Variants in NPAS3 observed in about 807,000 individuals in gnomAD.
NPAS3 encodes neuronal PAS domain-containing protein 3.
In NPAS3, 14 loss-of-function variants were observed where a neutral mutation model predicts 73.1. The ratio of observed to expected loss-of-function variants is 0.19; its 90% confidence interval spans 0.13 to 0.30. The LOEUF is 0.30. NPAS3 is among the 10% of genes least tolerant of loss of function. NPAS3 has a pLI of 1.00. For synonymous variants in NPAS3, 620 were observed against 541.5 expected (o/e 1.14, Z -2.01); for missense variants, 1,096 against 1,250.0 (o/e 0.88, Z 1.86).
intron 2 of NPAS3, among the ~76,000 whole-genome samples, chr14:33,085,615 C>A (rs6571581): frequency 0.44 from 66,334 of 151,992 alleles, 16,117 homozygotes; most frequent in African/African-American, 0.67. Flanking sequence ...TGAGCCCCCC[C>A]AACACACTTT....
rs920874247 is a variant in NPAS3 at position 33,270,157 on chromosome 14, C to T, written c.385+54731C>T. Among the ~76,000 whole-genome samples, 3 of 152,070 alleles carry T rather than the reference C, an allele frequency of 2.0e-5. 1 individual carries two copies. Among genetic ancestry groups the T allele is most frequent in the Middle Eastern group, 6.3e-3 (2 of 316 alleles). On this transcript the variant is annotated intron_variant, in intron 3 of 11. Coordinates refer to ENST00000356141, the Ensembl canonical transcript of NPAS3. ...AGATAAGTCAGTCATTGACTTATTC[C>T]CCTACCACCCTCTCCTTCCTAGTAT... is the stretch of plus-strand genomic sequence containing the variant.
chr14:33,436,610 A>G (rs1476561757), intron 4 of NPAS3, among the ~76,000 whole-genome samples: 1 of 152,180 alleles, frequency 6.6e-6, no homozygotes, highest in Non-Finnish European at 1.5e-5. Context: ...AATATTGTCT[A>G]CCATTCTGTA....
intron 5 of NPAS3, among the ~76,000 whole-genome samples, chr14:33,621,252 C>T (rs191223977): frequency 6.6e-5 from 10 of 152,218 alleles, no homozygotes; most frequent in Admixed American, 5.9e-4. Flanking sequence ...AGAAATAAAA[C>T]TTAAGTCTAG....
chr14:33,061,288 C>A (rs1332769267), intron 2 of NPAS3, among the ~76,000 whole-genome samples: 1 of 152,098 alleles, frequency 6.6e-6, no homozygotes, highest in East Asian at 1.9e-4. Flanking sequence ...CAGTCATCTT[C>A]CCCTCACCTG....
At chr14:33,528,929 T>C (rs1001147706) in intron 4 of NPAS3, among the ~76,000 whole-genome samples, 1 of 152,122 alleles carries the variant, frequency 6.6e-6, no homozygotes, top group Non-Finnish European at 1.5e-5. Flanking sequence ...AGCAACTCAA[T>C]AATGTTTCTT....
chr14:33,721,420 A>G (rs1324719971), intron 6 of NPAS3, among the ~76,000 whole-genome samples: 6 of 152,174 alleles, frequency 3.9e-5, no homozygotes, highest in Admixed American at 1.3e-4. Context: ...TAGTTGGTCA[A>G]TTATATTAGA....
intron 4 of NPAS3, among the ~76,000 whole-genome samples, chr14:33,533,750 T>A (rs1473751240): frequency 6.6e-6 from 1 of 152,140 alleles, no homozygotes; most frequent in Non-Finnish European, 1.5e-5. Context: ...AAATCACACC[T>A]GTATGTGGTG....
chr14:33,312,082 A>G (rs1324583421), intron 3 of NPAS3, among the ~76,000 whole-genome samples: 6 of 152,140 alleles, frequency 3.9e-5, no homozygotes, highest in Admixed American at 2.0e-4. Flanking sequence ...GACATACAGT[A>G]GTCAGAGCTC....
intron 2 of NPAS3, among the ~76,000 whole-genome samples, chr14:33,163,426 A>T (rs574188912): frequency 2.6e-5 from 4 of 152,198 alleles, no homozygotes; most frequent in Admixed American, 6.5e-5. Flanking sequence ...CACAGTCGCA[A>T]ATTGAGTTGA....
At chr14:33,198,269 C>G (rs1016766706) in intron 2 of NPAS3, among the ~76,000 whole-genome samples, 2 of 149,790 alleles carry the variant, frequency 1.3e-5, no homozygotes, top group African/African-American at 2.4e-5. Flanking sequence ...TTTGCCCCTG[C>G]TGGCTCAGGC....
chr14:32,948,260 G>C (rs992056810), intron 1 of NPAS3, among the ~76,000 whole-genome samples: 3 of 152,010 alleles, frequency 2.0e-5, no homozygotes, highest in Non-Finnish European at 2.9e-5. Context: ...TTTATATTTT[G>C]GGGATGTCAA....
At chr14:33,162,741 C>T (rs574892808) in intron 2 of NPAS3, among the ~76,000 whole-genome samples, 2 of 152,014 alleles carry the variant, frequency 1.3e-5, no homozygotes, top group Non-Finnish European at 2.9e-5. Flanking sequence ...GACAGAACCT[C>T]CTCTCTTTAT....
chr14:33,147,541 C>T (rs1236327254), intron 2 of NPAS3, among the ~76,000 whole-genome samples: 2 of 149,730 alleles, frequency 1.3e-5, no homozygotes, highest in Non-Finnish European at 3.0e-5. Flanking sequence ...TAGTGCCGCA[C>T]TTGGACACAG....
At chr14:33,547,031 T>A (rs1056735328) in intron 4 of NPAS3, among the ~76,000 whole-genome samples, 2 of 152,176 alleles carry the variant, frequency 1.3e-5, no homozygotes, top group Non-Finnish European at 2.9e-5. Flanking sequence ...GCAAATGTCT[T>A]AAGCAAGTAT....
chr14:32,988,933 C>T (rs1379824914), intron 1 of NPAS3, among the ~76,000 whole-genome samples: 1 of 152,184 alleles, frequency 6.6e-6, no homozygotes, highest in Non-Finnish European at 1.5e-5. Flanking sequence ...TTGAGTACCA[C>T]TATACCACAG....
intron 3 of NPAS3, among the ~76,000 whole-genome samples, chr14:33,223,563 C>T (rs976824358): frequency 1.3e-5 from 2 of 152,092 alleles, no homozygotes; most frequent in African/African-American, 2.4e-5. Flanking sequence ...TTCTTTTTGT[C>T]AGTGATTCTG....
intron 2 of NPAS3, among the ~76,000 whole-genome samples, chr14:33,112,704 C>T (rs189513624): frequency 8.5e-5 from 13 of 152,216 alleles, no homozygotes; most frequent in African/African-American, 3.1e-4. Context: ...CCTTTTGTTG[C>T]CATTGCTTTT....
chr14:33,139,472 T>A (rs2043963359), intron 2 of NPAS3, among the ~76,000 whole-genome samples: 1 of 152,186 alleles, frequency 6.6e-6, no homozygotes, highest in Non-Finnish European at 1.5e-5. Context: ...CTTATATCAT[T>A]GGAGTGTATT....
intron 5 of NPAS3, among the ~76,000 whole-genome samples, chr14:33,650,529 G>A (rs961370617): frequency 6.6e-6 from 1 of 152,190 alleles, no homozygotes; most frequent in African/African-American, 2.4e-5. Context: ...GAGCTTTGGA[G>A]GGTCATCATA....
Sources: allele counts gnomAD v4.1 joint callset (sites outside exome capture counted in the v4.1 genomes callset), GRCh38; gene constraint gnomAD v4.1.1; transcripts MANE v1.5; gene names NCBI Gene and HGNC (gene_info 2026-07-23, HGNC 2026-07-21).